The following ANTXR2 variants were observed in gnomAD, a reference collection of about 807,000 sequenced individuals.
ANTXR2 encodes anthrax toxin receptor 2.
A neutral mutation model predicts 73.7 loss-of-function variants in ANTXR2; 44 were observed. That is an observed-to-expected ratio of 0.60 (90% CI 0.47 to 0.77). The LOEUF is 0.77. Among genes scored for constraint, ANTXR2 ranks in the 30% least tolerant of loss-of-function variants. The pLI is 0.00. For missense variants in ANTXR2, 604 were observed against 592.5 expected (o/e 1.02, Z -0.20); for synonymous variants, 217 against 205.9 (o/e 1.05, Z -0.46).
At position 80,031,531 on chromosome 4, in the gene ANTXR2, A is replaced by C; in HGVS notation, c.866+92T>G. On this transcript the variant is annotated intron_variant, in intron 10 of 16. Transcript: ENST00000403729. ...TTTTTAATGCTCTGTATATCAAAAA[A>C]AGATAGAATAAAATGACCAATGTAT... 5 of 1,044,150 alleles carry C rather than the reference A, an allele frequency of 4.8e-6. No individual in the cohort carries two copies. In the South Asian group the frequency reaches 5.4e-5, roughly 11 times the overall value. The allele number at this position is 1,044,150 out of a possible 1,614,324, so 64.7% of individuals were successfully genotyped here. A position where few individuals can be genotyped will look rare whatever the true frequency, so the allele number is the denominator to read the frequency against.
At chr4:79,997,760 A>G (rs1730797755) in intron 12 of ANTXR2, among the ~76,000 whole-genome samples, 1 of 151,982 alleles carries the variant, frequency 6.6e-6, no homozygotes, top group South Asian at 2.1e-4. Flanking sequence ...ACTAAGAAGA[A>G]CAGTGTGAGA....
rs868513526 is a variant in ANTXR2 at position 79,915,839 on chromosome 4, T to C, written c.1429-8372A>G. Among the ~76,000 whole-genome samples, 291 of 116,776 alleles carry C rather than the reference T, an allele frequency of 2.5e-3. 1 individual carries two copies. The highest frequency in any genetic ancestry group is 5.1e-3 in the African/African-American group (181 of 35,730). The allele number at this position is 116,776 out of a possible 152,430, so 76.6% of individuals were successfully genotyped here. A position where few individuals can be genotyped will look rare whatever the true frequency, so the allele number is the denominator to read the frequency against. On this transcript the variant is annotated intron_variant, in intron 16 of 16. Coordinates refer to ENST00000403729, the MANE Select transcript of ANTXR2 (RefSeq NM_058172.6). Reference sequence around the variant, plus strand: ...GTCTCTGTCTCTCTCCCTCTCTCTCTCTCTCTCTCTCTCTCTCTCTCTCTA... The same window carrying C: ...GTCTCTGTCTCTCTCCCTCTCTCTCCCTCTCTCTCTCTCTCTCTCTCTCTA...
intron 16 of ANTXR2, among the ~76,000 whole-genome samples, chr4:79,917,376 T>C (rs1483278614): frequency 6.6e-6 from 1 of 152,152 alleles, no homozygotes; most frequent in Non-Finnish European, 1.5e-5. Flanking sequence ...GGCAGCCTGC[T>C]GAAACCTGGA....
chr4:79,987,820 A>G (rs1376406202), intron 12 of ANTXR2, among the ~76,000 whole-genome samples: 3 of 152,156 alleles, frequency 2.0e-5, no homozygotes, highest in Non-Finnish European at 4.4e-5. Context: ...ATATTCTGCA[A>G]CTTTAAAGAA....
rs141264330 is a variant in ANTXR2 at position 79,932,878 on chromosome 4, G to A, written c.1429-25411C>T. Among the ~76,000 whole-genome samples, 25 of 151,848 alleles carry A rather than the reference G, an allele frequency of 1.6e-4. No homozygotes were observed. The East Asian group carries it at 3.7e-3, about 22-fold the overall frequency. On this transcript the variant is annotated intron_variant, in intron 16 of 16. Transcript: ENST00000403729. ...TAGTGAAGGAGGCATTGCAGCAGGA[G>A]GGTAGCAACTACATTGCAGAAAGGA... is the stretch of plus-strand genomic sequence containing the variant.
At chr4:80,064,168 G>C (rs566211151) in intron 3 of ANTXR2, among the ~76,000 whole-genome samples, 1 of 152,280 alleles carries the variant, frequency 6.6e-6, no homozygotes, top group South Asian at 2.1e-4. Context: ...CTACAAGTTT[G>C]CCTACGGAAG....
intron 16 of ANTXR2, among the ~76,000 whole-genome samples, chr4:79,921,242 A>G (rs1334574556): frequency 6.6e-6 from 1 of 152,128 alleles, no homozygotes; most frequent in Non-Finnish European, 1.5e-5. Context: ...GCACATTTAA[A>G]GAGAAATTCT....
intron 16 of ANTXR2, among the ~76,000 whole-genome samples, chr4:79,966,386 C>A (rs1013467167): frequency 6.6e-6 from 1 of 152,120 alleles, no homozygotes; most frequent in African/African-American, 2.4e-5. Context: ...CAACTAACCA[C>A]AGTAAGTAGA....
At chr4:80,054,973 A>G (rs1170679703) in intron 6 of ANTXR2, among the ~76,000 whole-genome samples, 177 bp downstream of exon 6, 5 of 151,846 alleles carry the variant, frequency 3.3e-5, no homozygotes, top group African/African-American at 1.2e-4. Flanking sequence ...TTTCAGTAAC[A>G]AAACCTATTA....
intron 11 of ANTXR2, among the ~76,000 whole-genome samples, chr4:80,014,197 T>C (rs2110063354): frequency 6.6e-6 from 1 of 152,232 alleles, no homozygotes; most frequent in East Asian, 1.9e-4. Flanking sequence ...TTCTGCTTGA[T>C]TAAACTTTAA....
rs150110965 is a variant in ANTXR2, at chr4:80,048,294, G to A, written c.636+5978C>T. Among the ~76,000 whole-genome samples the A allele has an allele frequency of 2.7e-3, 400 of 149,272 alleles. 2 individuals are homozygous for A. The highest frequency in any genetic ancestry group is 9.1e-3 in the African/African-American group (372 of 40,928). On this transcript the variant is annotated intron_variant, in intron 7 of 16. Transcript: ENST00000403729. ...AAAAAAAAAAAAAACAAAAACAGGAGTTGGGGCAATACAATTTCAACCTTC... is the reference window on the plus strand; with the variant it reads ...AAAAAAAAAAAAAACAAAAACAGGAATTGGGGCAATACAATTTCAACCTTC...
chr4:80,056,694 C>A (rs1200672617), intron 3 of ANTXR2, among the ~76,000 whole-genome samples: 1 of 151,692 alleles, frequency 6.6e-6, no homozygotes, highest in African/African-American at 2.4e-5. Flanking sequence ...GGTAATGAAT[C>A]CTTGGAAGAG....
chr4:80,013,014 GC>G (rs1731673007), intron 11 of ANTXR2, among the ~76,000 whole-genome samples: 1 of 152,140 alleles, frequency 6.6e-6, no homozygotes, highest in Non-Finnish European at 1.5e-5. Flanking sequence ...ACAGCGTCTA[GC>G]ACTTAATACT....
intron 3 of ANTXR2, among the ~76,000 whole-genome samples, chr4:80,063,489 A>G (rs1320393099): frequency 6.6e-6 from 1 of 152,048 alleles, no homozygotes; most frequent in Non-Finnish European, 1.5e-5. Context: ...ACATATATAT[A>G]TATAAATTAA....
intron 16 of ANTXR2, among the ~76,000 whole-genome samples, chr4:79,926,332 A>C (rs912537941): frequency 6.6e-6 from 1 of 152,096 alleles, no homozygotes; most frequent in African/African-American, 2.4e-5. Context: ...TATTGATGAG[A>C]TAGGAATGTG....
intron 7 of ANTXR2, among the ~76,000 whole-genome samples, chr4:80,051,563 C>T (rs1035383094): frequency 6.6e-6 from 1 of 151,608 alleles, no homozygotes; most frequent in Admixed American, 6.6e-5. Context: ...CATCAATATT[C>T]CCCAAAACTG....
chr4:80,026,647 A>G (rs1732460235), intron 10 of ANTXR2, among the ~76,000 whole-genome samples: 1 of 152,010 alleles, frequency 6.6e-6, no homozygotes, highest in African/African-American at 2.4e-5. Flanking sequence ...TAAATTTTAG[A>G]AAGTATTTCC....
intron 6 of ANTXR2, 80 bp downstream of exon 6, chr4:80,055,070 T>C: frequency 7.8e-7 from 1 of 1,279,332 alleles, no homozygotes; most frequent in Non-Finnish European, 1.1e-6. Flanking sequence ...CACAATGTCA[T>C]CAGTGAAAAG....
intron 16 of ANTXR2, among the ~76,000 whole-genome samples, chr4:79,917,767 G>A (rs1727414294): frequency 6.6e-6 from 1 of 151,978 alleles, no homozygotes; most frequent in African/African-American, 2.4e-5. Context: ...GTTACCAGAC[G>A]AGTCTCTTTT....
Sources: allele counts gnomAD v4.1 joint callset (sites outside exome capture counted in the v4.1 genomes callset), GRCh38; gene constraint gnomAD v4.1.1; transcripts MANE v1.5; gene names NCBI Gene and HGNC (gene_info 2026-07-23, HGNC 2026-07-21).